GPC5: variants seen among roughly 807,000 people sequenced by gnomAD.
The protein encoded by GPC5 is glypican 5, also known as glypican-5.
In GPC5, 47 loss-of-function variants were observed where a neutral mutation model predicts 53.9. The ratio of observed to expected loss-of-function variants is 0.87; its 90% CI spans 0.69 to 1.11. GPC5 has a LOEUF of 1.11. Ranked by LOEUF, GPC5 falls within the 50% of genes most tolerant of loss-of-function variation. GPC5 has a pLI of 0.00. For missense variants in GPC5, 748 were observed against 713.1 expected, an observed-to-expected ratio of 1.05 and a Z score of -0.56; for synonymous variants, 286 against 263.3, an observed-to-expected ratio of 1.09 and a Z score of -0.84.
intron 2 of GPC5, among the ~76,000 whole-genome samples, chr13:91,478,137 T>G (rs1180304787): frequency 6.6e-6 from 1 of 152,136 alleles, no homozygotes; most frequent in African/African-American, 2.4e-5. Flanking sequence ...ACTGTTAAAT[T>G]TATATGTTCT....
intron 4 of GPC5, 55 bp from the exon 5 acceptor site, chr13:91,756,240 A>G (rs2037289192): frequency 7.6e-7 from 1 of 1,322,480 alleles, no homozygotes; most frequent in Non-Finnish European, 1.0e-6. Flanking sequence ...ATCATTTTTG[A>G]TGGCCTTTAT....
At chr13:92,035,755 T>TAA (rs67401983) in intron 6 of GPC5, among the ~76,000 whole-genome samples, 3,313 of 129,384 alleles carry the variant, frequency 0.026, 118 homozygotes, top group African/African-American at 0.051. Flanking sequence ...GAGGAAATGT[T>TAA]AAAAAAAAAA....
At chr13:92,099,741 C>G (rs1051251399) in intron 6 of GPC5, among the ~76,000 whole-genome samples, 1 of 152,142 alleles carries the variant, frequency 6.6e-6, no homozygotes, top group African/African-American at 2.4e-5. Context: ...CCTCCCCTCC[C>G]CAATAAGTCA....
At chr13:92,751,302 T>TAAAAA (rs1566400471) in intron 7 of GPC5, among the ~76,000 whole-genome samples, 552 of 34,356 alleles carry the variant, frequency 0.016, 63 homozygotes, top group East Asian at 0.085. Context: ...CCAGAAACAT[T>TAAAAA]TAAAAAAAAA....
intron 6 of GPC5, among the ~76,000 whole-genome samples, chr13:91,974,406 G>A (rs1262069989): frequency 2.0e-5 from 3 of 152,038 alleles, no homozygotes; most frequent in Non-Finnish European, 2.9e-5. Flanking sequence ...AAGCTGATAA[G>A]CAACTTCAGC....
At chr13:92,824,364 T>G (rs571311365) in intron 7 of GPC5, among the ~76,000 whole-genome samples, 63 of 152,236 alleles carry the variant, frequency 4.1e-4, no homozygotes, top group African/African-American at 1.5e-3. Flanking sequence ...TCCTGATGAT[T>G]TCTGCTTTCT....
At chr13:92,801,116 G>A (rs1346191164) in intron 7 of GPC5, among the ~76,000 whole-genome samples, 1 of 151,716 alleles carries the variant, frequency 6.6e-6, no homozygotes, top group Non-Finnish European at 1.5e-5. Flanking sequence ...ATATGTGTGT[G>A]TATGTGTGTG....
intron 7 of GPC5, among the ~76,000 whole-genome samples, chr13:92,808,996 A>T (rs1877200417): frequency 6.6e-6 from 1 of 152,130 alleles, no homozygotes; most frequent in Non-Finnish European, 1.5e-5. Context: ...TATTATGATT[A>T]CACATTAATA....
chr13:92,215,575 G>C (rs2042403940), intron 7 of GPC5, among the ~76,000 whole-genome samples: 1 of 152,092 alleles, frequency 6.6e-6, no homozygotes, highest in Non-Finnish European at 1.5e-5. Context: ...TCATTCTCAT[G>C]CTCACCAAAC....
At chr13:92,682,817 A>G (rs752377286) in intron 7 of GPC5, among the ~76,000 whole-genome samples, 1 of 152,222 alleles carries the variant, frequency 6.6e-6, no homozygotes, top group African/African-American at 2.4e-5. Context: ...ACAAAAGTTA[A>G]TTATACATGA....
intron 7 of GPC5, among the ~76,000 whole-genome samples, chr13:92,158,117 T>C (rs73620863): frequency 0.013 from 1,931 of 151,898 alleles, 56 homozygotes; most frequent in African/African-American, 0.044. Context: ...AGATGGAGAG[T>C]GGACTAAAAT....
intron 5 of GPC5, among the ~76,000 whole-genome samples, chr13:91,859,679 T>C (rs2039005014): frequency 6.6e-6 from 1 of 152,120 alleles, no homozygotes; most frequent in Non-Finnish European, 1.5e-5. Flanking sequence ...AACAACTTTC[T>C]TGATGTTTTC....
chr13:92,376,174 A>G (rs1266621570), intron 7 of GPC5, among the ~76,000 whole-genome samples: 1 of 152,212 alleles, frequency 6.6e-6, no homozygotes, highest in African/African-American at 2.4e-5. Context: ...ACACAGCCAT[A>G]TAATTTCCAT....
intron 5 of GPC5, among the ~76,000 whole-genome samples, chr13:91,854,925 A>T (rs2138898852): frequency 6.6e-6 from 1 of 151,842 alleles, no homozygotes; most frequent in South Asian, 2.1e-4. Flanking sequence ...AGAATTCAGC[A>T]CTTTCAAGTC....
At chr13:92,155,086 C>G (rs1481260305) in intron 7 of GPC5, among the ~76,000 whole-genome samples, 1 of 152,116 alleles carries the variant, frequency 6.6e-6, no homozygotes, top group Non-Finnish European at 1.5e-5. Flanking sequence ...ATAATGCTCA[C>G]TATTTGCTTT....
chr13:92,055,522 A>T (rs2041067455), intron 6 of GPC5, among the ~76,000 whole-genome samples: 1 of 152,130 alleles, frequency 6.6e-6, no homozygotes. Flanking sequence ...TCTTTTGAGG[A>T]TTTTCTATAA....
chr13:92,253,043 C>T (rs1399581197), intron 7 of GPC5, among the ~76,000 whole-genome samples: 1 of 152,102 alleles, frequency 6.6e-6, no homozygotes, highest in Non-Finnish European at 1.5e-5. Flanking sequence ...AAAGTGATTT[C>T]TTTCCATCCA....
chr13:91,800,190 T>C (rs1566270110), intron 5 of GPC5, among the ~76,000 whole-genome samples: 1 of 152,088 alleles, frequency 6.6e-6, no homozygotes, highest in Non-Finnish European at 1.5e-5. Context: ...GAAAAAATAG[T>C]TCAATAAGAA....
intron 7 of GPC5, among the ~76,000 whole-genome samples, chr13:92,740,960 G>GTATATATATA (rs1555308306): frequency 1.7e-5 from 2 of 117,700 alleles, no homozygotes; most frequent in African/African-American, 6.6e-5. Context: ...ATATGTATGT[G>GTATATATATA]TATATATATA....
Sources: allele counts gnomAD v4.1 joint callset (sites outside exome capture counted in the v4.1 genomes callset), GRCh38; gene constraint gnomAD v4.1.1; transcripts MANE v1.5; gene names NCBI Gene and HGNC (gene_info 2026-07-23, HGNC 2026-07-21).